Variants in SLC15A4 observed in about 807,000 individuals in gnomAD.
The protein encoded by SLC15A4 is hPHT1.
SLC15A4 carries 26 observed loss-of-function variants against 46.1 expected under a neutral mutation model. The observed-to-expected ratio is 0.56, with a 90% CI of 0.41 to 0.78. The LOEUF (loss-of-function observed/expected upper bound fraction) is 0.78. Ranked by LOEUF, SLC15A4 falls within the 30% of genes least tolerant of loss-of-function variation. The probability of loss-of-function intolerance (pLI) is 0.00; values close to 1 mark genes in which losing one functional copy is unlikely to be tolerated. For synonymous variants in SLC15A4, 370 were observed against 333.4 expected (o/e 1.11, Z -1.20); for missense variants, 751 against 755.7 (o/e 0.99, Z 0.07).
chr12:128,810,427 C>G (rs762393660), intron 2 of SLC15A4: 3 of 316,658 alleles, frequency 9.5e-6, no homozygotes, highest in Non-Finnish European at 1.8e-5. Flanking sequence ...CAGCTGCCAG[C>G]TCGGCAATCT....
At chr12:128,796,256 T>C (rs1288896465) in intron 7 of SLC15A4, among the ~76,000 whole-genome samples, 1 of 151,974 alleles carries the variant, frequency 6.6e-6, no homozygotes, top group South Asian at 2.1e-4. Context: ...AAACCCCGTC[T>C]CTACTAAAAA....
intron 5 of SLC15A4, among the ~76,000 whole-genome samples, chr12:128,806,129 C>T (rs1955584389): frequency 7.2e-6 from 1 of 138,142 alleles, no homozygotes; most frequent in African/African-American, 2.7e-5. Flanking sequence ...GAGATTGCAC[C>T]ACTGCACTCC....
At position 128,809,956 on chromosome 12, in the gene SLC15A4, G is replaced by A. The variant is rs1566052140; in HGVS notation, c.998C>T (p.Thr333Ile). The change falls in exon 3 of 8, where the codon ACA becomes ATA. Residue 333 changes from threonine to isoleucine, a missense_variant. Coordinates refer to ENST00000266771, the MANE Select transcript of SLC15A4 (RefSeq NM_145648.4). ...PVFLALIPYWTVYFQMQTTYV... is the reference protein window; with the variant it reads ...PVFLALIPYWIVYFQMQTTYV... The stretch of plus-strand genomic sequence containing the variant: ...GTCACCACTCACTTGGAAATACACT[G>A]TCCAGTAAGGTATCAAAGCCAAGAA... 3.1e-6 allele frequency: 5 copies of A among 1,613,956 alleles called. No homozygotes were observed. The highest frequency in any genetic ancestry group is 4.2e-6 in the Non-Finnish European group (5 of 1,179,990).
intron 3 of SLC15A4, 30 bp from the exon 4 acceptor site, chr12:128,809,503 T>C (rs1313521032): frequency 1.4e-6 from 2 of 1,435,156 alleles, no homozygotes; most frequent in East Asian, 4.5e-5. Flanking sequence ...TCATTATATG[T>C]GGACCAACTG....
At chr12:128,809,513 G>A (rs530984458) in intron 3 of SLC15A4, 40 bp from the exon 4 acceptor site, 31 of 1,362,594 alleles carry the variant, frequency 2.3e-5, no homozygotes, top group Non-Finnish European at 2.9e-5. Flanking sequence ...TGGACCAACT[G>A]TGCTCTCAAA....
chr12:128,801,381 T>C (rs1215232121), intron 5 of SLC15A4: 1 of 168,870 alleles, frequency 5.9e-6, no homozygotes, highest in East Asian at 1.7e-4. Flanking sequence ...AGTAGTGCTA[T>C]TTTACCCAAC....
At chr12:128,803,021 G>A (rs1006504288) in intron 5 of SLC15A4, among the ~76,000 whole-genome samples, 4 of 152,184 alleles carry the variant, frequency 2.6e-5, no homozygotes, top group African/African-American at 7.2e-5. Context: ...GGGACAGGCC[G>A]AAAAGCAGCA....
chr12:128,820,939 T>C (rs189864838), intron 1 of SLC15A4, among the ~76,000 whole-genome samples: 28 of 152,188 alleles, frequency 1.8e-4, no homozygotes, highest in Non-Finnish European at 3.5e-4. Flanking sequence ...TGGGGACGGA[T>C]CCCTGAAGAA....
intron 6 of SLC15A4, among the ~76,000 whole-genome samples, chr12:128,799,728 A>G (rs761059929): frequency 1.3e-5 from 2 of 152,240 alleles, no homozygotes; most frequent in Non-Finnish European, 2.9e-5. Flanking sequence ...TGTGTTCCTT[A>G]AAGAGATTAG....
At chr12:128,796,276 T>C (rs916400914) in intron 7 of SLC15A4, among the ~76,000 whole-genome samples, 3 of 151,942 alleles carry the variant, frequency 2.0e-5, no homozygotes, top group Admixed American at 1.3e-4. Flanking sequence ...ATACAAATAA[T>C]TAGCCAGGCG....
chr12:128,801,504 C>A (rs1375875849), intron 5 of SLC15A4: 1 of 154,322 alleles, frequency 6.5e-6, no homozygotes, highest in Non-Finnish European at 1.4e-5. Flanking sequence ...ATGTTGGTTT[C>A]CCTGCATAGG....
chr12:128,796,083 A>G lies in SLC15A4; in HGVS notation c.1574-1727T>C, dbSNP rs192851642. Among the ~76,000 whole-genome samples, 34 of 152,268 alleles carry G rather than the reference A, an allele frequency of 2.2e-4. No homozygotes were observed. The East Asian group carries it at 6.2e-3, about 28-fold the overall frequency. ...TTCTGGCACTTCCTTTTTCTATCTG[A>G]ACATATACTGCATGTTCAACAGTGC... On this transcript the variant is annotated intron_variant, in intron 7 of 7. Transcript: ENST00000266771.
intron 2 of SLC15A4, chr12:128,814,196 T>TATGATGGACCTGACCGCCG (rs1955707352): frequency 5.4e-6 from 1 of 184,436 alleles, no homozygotes; most frequent in African/African-American, 2.5e-5. Flanking sequence ...CTGACCGCCG[T>TATGATGGACCTGACCGCCG]ATGATGGACC....
intron 7 of SLC15A4, among the ~76,000 whole-genome samples, chr12:128,796,464 A>C: frequency 7.1e-6 from 1 of 141,674 alleles, no homozygotes; most frequent in Admixed American, 7.7e-5. Flanking sequence ...AAAAACCCAC[A>C]CATCTGTATG....
In SLC15A4 at chr12:128,813,640, AG is replaced by A. The variant is rs569636405; in HGVS notation, c.842+1134del. The A allele has an allele frequency of 6.6e-5, 10 of 152,412 alleles. No individual in the cohort carries two copies. In the East Asian group the frequency reaches 1.9e-3, roughly 29 times the overall value. The allele number at this position is 152,412 out of a possible 1,614,324, so 9.4% of individuals were successfully genotyped here. The stretch of plus-strand genomic sequence containing the variant: ...TGAGTGGGCCCGCAGAAGAATGTCC[AG>A]CAACCAGTGCCATGCCACAATGGGG... On this transcript the variant is annotated intron_variant, in intron 2 of 7. Transcript: ENST00000266771.
intron 2 of SLC15A4, 151 bp downstream of exon 2, chr12:128,814,624 G>T: frequency 2.6e-6 from 2 of 772,332 alleles, no homozygotes; most frequent in Non-Finnish European, 4.1e-6. Context: ...CCGCCTCCTT[G>T]GGGAAATGCA....
chr12:128,814,732 T>C (rs1168759661), intron 2 of SLC15A4, 43 bp downstream of exon 2: 2 of 1,594,350 alleles, frequency 1.3e-6, no homozygotes, highest in Admixed American at 1.7e-5. Context: ...AAGAGATCGA[T>C]AAAGTCCTTT....
intron 1 of SLC15A4, among the ~76,000 whole-genome samples, chr12:128,816,283 G>A (rs1955750708): frequency 6.6e-6 from 1 of 152,120 alleles, no homozygotes; most frequent in Non-Finnish European, 1.5e-5. Context: ...AAGATACTGT[G>A]CAAATGAACC....
intron 3 of SLC15A4, chr12:128,809,699 A>G: frequency 1.8e-6 from 1 of 543,834 alleles, no homozygotes; most frequent in East Asian, 3.0e-5. Flanking sequence ...GAGAAATTAC[A>G]TTAACAAGAG....
Sources: gnomAD v4.1 joint callset for allele counts (sites outside exome capture counted in the v4.1 genomes callset) on GRCh38, gnomAD v4.1.1 for gene constraint, MANE v1.5 for transcripts, NCBI Gene and HGNC (gene_info 2026-07-23, HGNC 2026-07-21) for gene names.